The following KCNS1 variants were observed in gnomAD, a reference collection of about 807,000 sequenced individuals.
The protein encoded by KCNS1 is delayed-rectifier potassium channel regulatory subunit KCNS1.
KCNS1 carries 26 observed loss-of-function variants against 33.1 expected under a neutral mutation model. That is an observed-to-expected ratio of 0.79 (90% CI 0.58 to 1.09). KCNS1 has a LOEUF of 1.09. Ranked by LOEUF, KCNS1 falls within the 50% of genes least tolerant of loss-of-function variation. The pLI, the probability that KCNS1 is intolerant of heterozygous loss-of-function variation, is 0.00. For synonymous variants in KCNS1, 299 were observed against 338.8 expected, an observed-to-expected ratio of 0.88 and a Z score of 1.29; for missense variants, 702 against 752.4, an observed-to-expected ratio of 0.93 and a Z score of 0.78.
At position 45,097,959 on chromosome 20, in the gene KCNS1, C is replaced by T. The variant is rs1175626095; in HGVS notation, c.813G>A (p.Val271=). ...TGCAGAAGTACTCGAGGCGTCGCAG[C>T]ACCGGGTCGTCGCGCACGCCTTCCG... ...RSPEGVRDDP[V]LRRLEYFCIA... The change falls in exon 3 of 4, where the codon GTG becomes GTA. Residue 271 remains valine (V), a synonymous_variant. Coordinates refer to ENST00000537075, the MANE Select transcript of KCNS1 (RefSeq NM_001322799.2). The T allele has an allele frequency of 1.3e-6, 2 of 1,562,280 alleles. No homozygotes were observed. The highest frequency in any genetic ancestry group is 1.7e-6 in the Non-Finnish European group (2 of 1,155,020).
In KCNS1 at chr20:45,098,519, C is replaced by A; in HGVS notation, c.253G>T (p.Glu85Ter). Residue 85 changes from glutamate to a stop codon, truncating the protein, a stop_gained, in exon 3 of 4, where the codon GAG becomes TAG. Coordinates refer to ENST00000537075, the MANE Select transcript of KCNS1 (RefSeq NM_001322799.2). LOFTEE classifies it high-confidence loss of function. The surrounding 1 kb of genome is among the most constrained non-coding windows in gnomAD (Gnocchi z 5.2). Reference protein sequence around the residue: ...RLGRLQAAASEEQARRLCDDY... With the variant: ...RLGRLQAAAS ...TCGCACAGGCGCCGCGCCTGCTCCT[C>A]CGACGCCGCGGCCTGCAGGCGGCCC... 6.6e-7 allele frequency: 1 copy of A among 1,511,628 alleles called. No homozygotes were observed. The highest frequency in any genetic ancestry group is 8.9e-7 in the Non-Finnish European group (1 of 1,128,562). The allele number at this position is 1,511,628 out of a possible 1,614,324, so 93.6% of individuals were successfully genotyped here. A position where few individuals can be genotyped will look rare whatever the true frequency, so the allele number is the denominator to read the frequency against.
chr20:45,096,789 C>T (rs978646179), intron 3 of KCNS1, among the ~76,000 whole-genome samples: 4 of 152,222 alleles, frequency 2.6e-5, no homozygotes, highest in Admixed American at 2.0e-4. Flanking sequence ...CCTATACCCT[C>T]GGGACCAAGT....
chr20:45,099,675 C>G (rs906901765), intron 1 of KCNS1, among the ~76,000 whole-genome samples: 13 of 152,176 alleles, frequency 8.5e-5, no homozygotes, highest in Admixed American at 5.2e-4. Context: ...TATTTGTCCT[C>G]CAGGTCTCAA....
In KCNS1 at chr20:45,091,469, C is replaced by G. The variant is rs776508448; in HGVS notation, c.*3401G>C. On this transcript the variant is annotated 3_prime_UTR_variant, in exon 4 of 4. Coordinates refer to ENST00000537075, the MANE Select transcript of KCNS1 (RefSeq NM_001322799.2). ...TTGCTACTGAGGTCCCTAGAGCTCC[C>G]CTCATTCCTGTATTTCCTGAGGCCT... Among the ~76,000 whole-genome samples the G allele has an allele frequency of 3.3e-5, 5 of 152,244 alleles. No individual in the cohort carries two copies. Among genetic ancestry groups the G allele is most frequent in the Non-Finnish European group, 7.4e-5 (5 of 68,010 alleles).
chr20:45,099,280 G>T, intron 1 of KCNS1, 41 bp from the exon 2 acceptor site: 1 of 1,070,488 alleles, frequency 9.3e-7, no homozygotes, highest in South Asian at 1.3e-5. Context: ...GCCTGCCATC[G>T]ATTTACTGAA....
At position 45,095,347 on chromosome 20, in the gene KCNS1, G is replaced by A; in HGVS notation, c.1111-7C>T. 2 of 1,607,782 alleles carry A rather than the reference G, an allele frequency of 1.2e-6. No homozygotes were observed. The highest frequency in any genetic ancestry group is 1.7e-6 in the Non-Finnish European group (2 of 1,176,572). On this transcript the variant is annotated splice_polypyrimidine_tract_variant and splice_region_variant and intron_variant, in intron 3 of 3. Coordinates refer to ENST00000537075, the MANE Select transcript of KCNS1 (RefSeq NM_001322799.2). The stretch of plus-strand genomic sequence containing the variant: ...CCACCTCACGGTAGCTGTGCTGAAA[G>A]AGAATGTAGAAAGCCAAGTCAGAGT...
rs1327834993 is a variant in KCNS1 at position 45,092,367 on chromosome 20, G to A, written c.*2503C>T. 1 of 152,256 alleles carries A rather than the reference G, an allele frequency of 6.6e-6. No individual in the cohort carries two copies. Among genetic ancestry groups the A allele is most frequent in the Non-Finnish European group, 1.5e-5 (1 of 68,098 alleles). 9.4% of individuals were successfully genotyped at this position (152,256 alleles called of 1,614,324 possible). ...CACTGATACATGGGAAGGGGAGCGAGTTGTTGCTTTTCTGCCAGGACCACA... is the reference window on the plus strand; with the variant it reads ...CACTGATACATGGGAAGGGGAGCGAATTGTTGCTTTTCTGCCAGGACCACA... On this transcript the variant is annotated 3_prime_UTR_variant, in exon 4 of 4. Coordinates refer to ENST00000537075, the MANE Select transcript of KCNS1 (RefSeq NM_001322799.2).
In KCNS1 at chr20:45,098,118, C is replaced by T. The variant is rs201608614; in HGVS notation, c.654G>A (p.Pro218=). 9,202 of 1,596,762 alleles carry T rather than the reference C, an allele frequency of 5.8e-3. 30 individuals carry two copies. The highest frequency in any genetic ancestry group is 7.2e-3 in the Non-Finnish European group (8,400 of 1,172,834). ...TGGAGACGCAGCTGAAGAGCTTGCT[C>T]GGCAGCGAGTAGCCCGGGTTCTCCA... is the stretch of plus-strand genomic sequence containing the variant. ...LTMENPGYSL[P]SKLFSCVSIS... Residue 218 remains proline, a synonymous_variant, in exon 3 of 4, where the codon CCG becomes CCA. Coordinates refer to ENST00000537075, the MANE Select transcript of KCNS1 (RefSeq NM_001322799.2). This position sits in a 1 kb window ranked among gnomAD's most constrained non-coding sequence, Gnocchi z 5.2.
rs11699337 is a variant in KCNS1 at position 45,095,603 on chromosome 20, G to A, written c.1111-263C>T. ...GCTACAGCTGTTTTTTCCAACTCCG[G>A]GGTTACTGGTGGCACCACAGCCAGG... On this transcript the variant is annotated intron_variant, in intron 3 of 3. Transcript: ENST00000537075. 2.5e-3 allele frequency among the ~76,000 whole-genome samples: 373 copies of A among 152,192 alleles called. 1 individual carries two copies. Among genetic ancestry groups the A allele is most frequent in the Non-Finnish European group, 4.8e-3 (325 of 68,008 alleles).
chr20:45,098,555 C>A lies in KCNS1; in HGVS notation c.217G>T (p.Gly73Cys). 7.1e-7 allele frequency: 1 copy of A among 1,405,426 alleles called. No homozygotes were observed. Among genetic ancestry groups the A allele is most frequent in the Non-Finnish European group, 9.3e-7 (1 of 1,078,266 alleles). The allele number at this position is 1,405,426 out of a possible 1,614,324, so 87.1% of individuals were successfully genotyped here. A position where few individuals can be genotyped will look rare whatever the true frequency, so the allele number is the denominator to read the frequency against. ...GCCTGCAGGCGGCCCAGCCGCGTGC[C>A]CGGGAAGCGCGCCAGGGCGCGCGCG... Reference protein sequence around the residue: ...LSARALARFPGTRLGRLQAAA... With the variant: ...LSARALARFPCTRLGRLQAAA... Residue 73 changes from glycine (G) to cysteine (C), a missense_variant, in exon 3 of 4, where the codon GGC becomes TGC. Around this residue, in one of 3 missense-constraint regions of KCNS1, gnomAD observed 374 missense variants for 352.3 expected, o/e 1.06. Coordinates refer to ENST00000537075, the MANE Select transcript of KCNS1 (RefSeq NM_001322799.2). This position sits in a 1 kb window ranked among gnomAD's most constrained non-coding sequence, Gnocchi z 5.2.
At position 45,101,097 on chromosome 20, in the gene KCNS1, C is replaced by G. The variant is rs1211376057; in HGVS notation, c.-180G>C. On this transcript the variant is annotated 5_prime_UTR_variant, in exon 1 of 4. Coordinates refer to ENST00000537075, the MANE Select transcript of KCNS1 (RefSeq NM_001322799.2). Reference sequence around the variant, plus strand: ...TGCCTAGTCCCCCGCGGCTGAAGGCCGCATCGATCGCTGCCGGAGGAGGGA... The same window carrying G: ...TGCCTAGTCCCCCGCGGCTGAAGGCGGCATCGATCGCTGCCGGAGGAGGGA... 1 of 152,386 alleles carries G rather than the reference C, an allele frequency of 6.6e-6. No homozygotes were observed. 9.4% of individuals were successfully genotyped at this position (152,386 alleles called of 1,614,324 possible).
At position 45,098,231 on chromosome 20, in the gene KCNS1, G is replaced by A. The variant is rs748021274; in HGVS notation, c.541C>T (p.Pro181Ser). ...CGCTGCACGTCGGAGATCTCGTCGG[G>A]GCACGGGTCCACGCTGCTCGGCGTG... ...SDTPSSVDPC[P>S]DEISDVQREL... Residue 181 changes from proline to serine, a missense_variant, in exon 3 of 4, where the codon CCC (proline) becomes TCC (serine). Pro to Ser is a moderately conservative substitution (Grantham distance 74). Transcript: ENST00000537075. This position sits in a 1 kb window ranked among gnomAD's most constrained non-coding sequence, Gnocchi z 5.2. 5.0e-6 allele frequency: 8 copies of A among 1,603,542 alleles called. No homozygotes were observed. The highest frequency in any genetic ancestry group is 1.3e-5 in the African/African-American group (1 of 74,740).
Position 45,097,952 on chromosome 20 carries a change from G to A in KCNS1, c.820C>T (p.Arg274Cys), listed in dbSNP as rs776364357. Residue 274 changes from arginine (R) to cysteine (C), a missense_variant, in exon 3 of 4, where the codon CGC becomes TGC. Around this residue, in one of 3 missense-constraint regions of KCNS1, gnomAD observed 253 missense variants for 327.4 expected, o/e 0.77. Transcript: ENST00000537075. ...EGVRDDPVLR[R>C]LEYFCIAWFS... ...CAGGCGATGCAGAAGTACTCGAGGCGTCGCAGCACCGGGTCGTCGCGCACG... is the reference window on the plus strand; with the variant it reads ...CAGGCGATGCAGAAGTACTCGAGGCATCGCAGCACCGGGTCGTCGCGCACG... The A allele has an allele frequency of 1.0e-5, 16 of 1,570,292 alleles. No homozygotes were observed. The highest frequency in any genetic ancestry group is 1.4e-5 in the African/African-American group (1 of 73,710).
intron 3 of KCNS1, among the ~76,000 whole-genome samples, chr20:45,096,279 A>G (rs1357678092): frequency 6.6e-6 from 1 of 152,166 alleles, no homozygotes; most frequent in Non-Finnish European, 1.5e-5. Context: ...GGAGTATATT[A>G]CACCTGCATC....
In KCNS1 at chr20:45,098,241, C is replaced by T. The variant is rs1468678680; in HGVS notation, c.531G>A (p.Val177=). 2.5e-6 allele frequency: 4 copies of T among 1,601,682 alleles called. No individual in the cohort carries two copies. The change falls in exon 3 of 4, where the codon GTG becomes GTA. Residue 177 remains valine, a synonymous_variant. Coordinates refer to ENST00000537075, the MANE Select transcript of KCNS1 (RefSeq NM_001322799.2). The surrounding 1 kb of genome is among the most constrained non-coding windows in gnomAD (Gnocchi z 5.2). The part of the protein sequence containing the change: ...WDEDSDTPSS[V]DPCPDEISDV... ...CGGAGATCTCGTCGGGGCACGGGTC[C>T]ACGCTGCTCGGCGTGTCGCTGTCCT...
At position 45,094,932 on chromosome 20, in the gene KCNS1, C is replaced by T. The variant is rs142180542; in HGVS notation, c.1519G>A (p.Gly507Arg). 4.3e-4 allele frequency: 689 copies of T among 1,613,870 alleles called. 2 individuals are homozygous for T. Among genetic ancestry groups the T allele is most frequent in the Middle Eastern group, 2.1e-3 (13 of 6,062 alleles). The change falls in exon 4 of 4, where the codon GGA becomes AGA. Residue 507 changes from glycine (G) to arginine (R), a missense_variant. Around this residue, in one of 3 missense-constraint regions of KCNS1, gnomAD observed 75 missense variants for 72.7 expected, o/e 1.03. Transcript: ENST00000537075. ...LETSRETSQE[G>R]QSADLESQAP... ...TGGCTCTCTAGATCTGCAGACTGTCCCTCCTGAGAGGTTTCTCGGGATGTC... is the reference window on the plus strand; with the variant it reads ...TGGCTCTCTAGATCTGCAGACTGTCTCTCCTGAGAGGTTTCTCGGGATGTC...
rs1981079676 is a variant in KCNS1 at position 45,093,769 on chromosome 20, A to G, written c.*1101T>C. On this transcript the variant is annotated 3_prime_UTR_variant, in exon 4 of 4. Coordinates refer to ENST00000537075, the MANE Select transcript of KCNS1 (RefSeq NM_001322799.2). ...TGGGTACTCTAGGTAGGGCTGGACA[A>G]TGTAGGGCTGGACGTCTGTGTGATG... The G allele has an allele frequency of 1.3e-5, 2 of 152,534 alleles. No individual in the cohort carries two copies. Among genetic ancestry groups the G allele is most frequent in the African/African-American group, 4.8e-5 (2 of 41,454 alleles). The allele number at this position is 152,534 out of a possible 1,614,324, so 9.4% of individuals were successfully genotyped here. A position where few individuals can be genotyped will look rare whatever the true frequency, so the allele number is the denominator to read the frequency against.
At chr20:45,096,058 C>T (rs146064576) in intron 3 of KCNS1, among the ~76,000 whole-genome samples, 95 of 152,278 alleles carry the variant, frequency 6.2e-4, no homozygotes, top group Non-Finnish European at 1.1e-3. Flanking sequence ...TTACCTGGTC[C>T]CAAATGTCAG....
chr20:45,094,861 TC>T lies in KCNS1; in HGVS notation c.*8del, dbSNP rs755647571. On this transcript the variant is annotated 3_prime_UTR_variant, in exon 4 of 4. Transcript: ENST00000537075. ...TAGGGGCATGGCAGGGGGTCACGGA[TC>T]CCTGGTTTTAATACATCTGAGGGTG... is the stretch of plus-strand genomic sequence containing the variant. 15 of 1,596,506 alleles carry T rather than the reference TC, an allele frequency of 9.4e-6. No homozygotes were observed. Among genetic ancestry groups the T allele is most frequent in the Middle Eastern group, 1.7e-4 (1 of 5,816 alleles).
Sources: gnomAD v4.1 joint callset for allele counts (sites outside exome capture counted in the v4.1 genomes callset) on GRCh38, gnomAD v4.1.1 for gene constraint, gnomAD v4.1.1 regional missense constraint, Gnocchi (gnomAD v3.1) non-coding constraint, MANE v1.5 for transcripts, NCBI Gene and HGNC (gene_info 2026-07-23, HGNC 2026-07-21) for gene names.